Variants in NHEJ1 observed in about 807,000 individuals in gnomAD.
The protein encoded by NHEJ1 is non-homologous end-joining factor 1.
Under a neutral mutation model 39.4 loss-of-function variants are expected in NHEJ1, and 22 were observed. The ratio of observed to expected loss-of-function variants is 0.56; its 90% CI spans 0.40 to 0.80. NHEJ1 has a LOEUF of 0.80. NHEJ1 is among the 30% of genes least tolerant of loss of function. The pLI, the probability that NHEJ1 is intolerant of heterozygous loss-of-function variation, is 0.00. For missense variants in NHEJ1, 329 were observed against 357.1 expected (o/e 0.92, Z 0.63); for synonymous variants, 154 against 135.6 (o/e 1.14, Z -0.94).
At chr2:219,150,882 G>A (rs1029257232) in intron 3 of NHEJ1, among the ~76,000 whole-genome samples, 6 of 152,088 alleles carry the variant, frequency 3.9e-5, no homozygotes, top group African/African-American at 1.4e-4. Flanking sequence ...CCTGAACCCA[G>A]GAGGCGGAGG....
At chr2:219,088,306 G>T (rs1949130118) in intron 5 of NHEJ1, among the ~76,000 whole-genome samples, 1 of 152,114 alleles carries the variant, frequency 6.6e-6, no homozygotes, top group African/African-American at 2.4e-5. Context: ...TTAAAAGTAT[G>T]GCTACAAAGA....
intron 5 of NHEJ1, among the ~76,000 whole-genome samples, chr2:219,115,152 A>AG (rs1949400123): frequency 1.1e-5 from 1 of 94,008 alleles, no homozygotes; most frequent in Non-Finnish European, 2.0e-5. Flanking sequence ...CCGTATTTTA[A>AG]AAAGAAGAAG....
At chr2:219,112,065 G>A (rs996029296) in intron 5 of NHEJ1, among the ~76,000 whole-genome samples, 1 of 152,164 alleles carries the variant, frequency 6.6e-6, no homozygotes, top group Non-Finnish European at 1.5e-5. Flanking sequence ...GGAATAGAGT[G>A]GAAAAGGAAA....
At chr2:219,120,770 G>A (rs1186250109) in intron 5 of NHEJ1, among the ~76,000 whole-genome samples, 2 of 152,134 alleles carry the variant, frequency 1.3e-5, no homozygotes, top group Admixed American at 6.5e-5. Context: ...GTCTCTGATC[G>A]GCCCTAGTAT....
At chr2:219,124,914 G>A (rs1032587026) in intron 5 of NHEJ1, 1 of 152,066 alleles carries the variant, frequency 6.6e-6, no homozygotes, top group African/African-American at 2.4e-5. Context: ...CTCAATAAAG[G>A]CCAGACTTGA....
chr2:219,141,396 G>T (rs79551472), intron 5 of NHEJ1, among the ~76,000 whole-genome samples: 2 of 149,534 alleles, frequency 1.3e-5, no homozygotes, highest in Non-Finnish European at 2.9e-5. Context: ...AAAAAGCAGG[G>T]GGGGAGTGGG....
chr2:219,138,561 G>A (rs979493821), intron 5 of NHEJ1, among the ~76,000 whole-genome samples: 2 of 152,194 alleles, frequency 1.3e-5, no homozygotes, highest in African/African-American at 4.8e-5. Context: ...TATGTGTGGA[G>A]GCACTGTTCT....
intron 5 of NHEJ1, among the ~76,000 whole-genome samples, chr2:219,097,676 G>A (rs1171370114): frequency 6.6e-6 from 1 of 152,180 alleles, no homozygotes; most frequent in African/African-American, 2.4e-5. Flanking sequence ...GCTTGATGTG[G>A]GGGTTGGGGG....
At chr2:219,139,095 C>CTT (rs969313532) in intron 5 of NHEJ1, among the ~76,000 whole-genome samples, 1 of 148,494 alleles carries the variant, frequency 6.7e-6, no homozygotes, top group East Asian at 2.0e-4. Flanking sequence ...TTTTCTTTTT[C>CTT]TTTTTTTTTT....
rs545273157 is a variant in NHEJ1, at chr2:219,076,035, C to A, written c.*346G>T. On this transcript the variant is annotated 3_prime_UTR_variant, in exon 8 of 8. Transcript: ENST00000356853. ...GTGGGTCTCTGAGGAGTATCTGGGG[C>A]TGGCTGGCTAGAGACGCTAGGGAAA... 5 of 465,218 alleles carry A rather than the reference C, an allele frequency of 1.1e-5. No homozygotes were observed. In the Admixed American group the frequency reaches 1.1e-4, roughly 10 times the overall value. The allele number at this position is 465,218 out of a possible 1,614,324, so 28.8% of individuals were successfully genotyped here. A position where few individuals can be genotyped will look rare whatever the true frequency, so the allele number is the denominator to read the frequency against.
At chr2:219,101,207 C>T (rs1334093919) in intron 5 of NHEJ1, among the ~76,000 whole-genome samples, 3 of 152,112 alleles carry the variant, frequency 2.0e-5, no homozygotes, top group Admixed American at 6.5e-5. Context: ...CTCTGCCTCC[C>T]GGGTTCAAGC....
In NHEJ1 at chr2:219,141,884, ATT is replaced by A. The variant is rs371135695; in HGVS notation, c.588+4794_588+4795del. ...GACGGAGAGCCAGCCAAAGAAACCA[ATT>A]AGAAGTGTGAACAAGCTTAACAAGA... On this transcript the variant is annotated intron_variant, in intron 5 of 7. Transcript: ENST00000356853. Among the ~76,000 whole-genome samples, 526 of 152,180 alleles carry A rather than the reference ATT, an allele frequency of 3.5e-3. 3 individuals are homozygous for A. Among genetic ancestry groups the A allele is most frequent in the South Asian group, 0.015 (73 of 4,812 alleles).
chr2:219,077,217 C>T lies in NHEJ1; in HGVS notation c.825+29G>A, dbSNP rs115483157. On this transcript the variant is annotated intron_variant, in intron 7 of 7. Coordinates refer to ENST00000356853, the MANE Select transcript of NHEJ1 (RefSeq NM_024782.3). ...GGGCTATAGGTGCCAACTCTCAGAA[C>T]ACCATCCAGGAAGCTGCTCATGACT... 0.018 allele frequency: 27,501 copies of T among 1,549,942 alleles called. 281 individuals are homozygous for T. Among genetic ancestry groups the T allele is most frequent in the Non-Finnish European group, 0.021 (23,123 of 1,121,914 alleles).
chr2:219,122,563 C>G lies in NHEJ1; in HGVS notation c.588+24117G>C, dbSNP rs145926343. On this transcript the variant is annotated intron_variant, in intron 5 of 7. Transcript: ENST00000356853. ...GATGATAACATTAATAACAGCCATT[C>G]AGCACAACTCCACTAAGTTGTCAGA... Among the ~76,000 whole-genome samples, 1,276 of 152,272 alleles carry G rather than the reference C, an allele frequency of 8.4e-3. 25 individuals carry two copies. Among genetic ancestry groups the G allele is most frequent in the African/African-American group, 0.029 (1,185 of 41,548 alleles).
At chr2:219,096,051 A>C (rs1292721824) in intron 5 of NHEJ1, among the ~76,000 whole-genome samples, 1 of 152,234 alleles carries the variant, frequency 6.6e-6, no homozygotes, top group Non-Finnish European at 1.5e-5. Context: ...AAACTTAGAG[A>C]GGGCCACTTG....
chr2:219,083,110 G>A (rs1038025819), intron 5 of NHEJ1, among the ~76,000 whole-genome samples: 15 of 152,314 alleles, frequency 9.8e-5, no homozygotes, highest in Admixed American at 9.1e-4. Context: ...ATCTACTGTG[G>A]TGTTTGGGAT....
Position 219,158,287 on chromosome 2 carries a change from T to C in NHEJ1, c.76A>G (p.Lys26Glu), listed in dbSNP as rs774411863. ...TAGCCCTGCTTGGTGATAAAAACCT[T>C]GGCCAAGAGGGAGTTCTCTGCAAGC... ...LQLAENSLLA[K>E]VFITKQGYAL... Residue 26 changes from lysine (K) to glutamate (E), a missense_variant, in exon 2 of 8, where the codon AAG becomes GAG. Coordinates refer to ENST00000356853, the MANE Select transcript of NHEJ1 (RefSeq NM_024782.3). 6.2e-7 allele frequency: 1 copy of C among 1,614,200 alleles called. No homozygotes were observed. The highest frequency in any genetic ancestry group is 8.5e-7 in the Non-Finnish European group (1 of 1,180,036).
rs1456545408 is a variant in NHEJ1, at chr2:219,072,494, T to A, written c.*3887A>T. Among the ~76,000 whole-genome samples, 1 of 152,240 alleles carries A rather than the reference T, an allele frequency of 6.6e-6. No homozygotes were observed. The highest frequency in any genetic ancestry group is 6.5e-5 in the Admixed American group (1 of 15,290). ...TCAAGAAAAATTAGAAGACAGAAAC[T>A]ACTTCACAGTAGAGCTTAGAAAAAC... is the stretch of plus-strand genomic sequence containing the variant. On this transcript the variant is annotated 3_prime_UTR_variant, in exon 8 of 8. Transcript: ENST00000356853.
chr2:219,134,204 C>CTCCT (rs1559198827), intron 5 of NHEJ1, among the ~76,000 whole-genome samples: 1 of 152,232 alleles, frequency 6.6e-6, no homozygotes, highest in Non-Finnish European at 1.5e-5. Context: ...TTTGGCCTCT[C>CTCCT]TCCTGCACAT....
Sources: gnomAD v4.1 joint callset for allele counts (sites outside exome capture counted in the v4.1 genomes callset) on GRCh38, gnomAD v4.1.1 for gene constraint, MANE v1.5 for transcripts, NCBI Gene and HGNC (gene_info 2026-07-23, HGNC 2026-07-21) for gene names.